The following GOLGA7 variants were observed in gnomAD, a reference collection of about 807,000 sequenced individuals.
The protein encoded by GOLGA7 is golgin subfamily A member 7.
Under a neutral mutation model 21.1 loss-of-function variants are expected in GOLGA7, and 10 were observed. That is an observed-to-expected ratio of 0.47 (90% confidence interval 0.29 to 0.80). The LOEUF is 0.80. Ranked by LOEUF, GOLGA7 falls within the 30% of genes least tolerant of loss-of-function variation. GOLGA7 has a pLI of 0.08. For synonymous variants in GOLGA7, 64 were observed against 62.6 expected (o/e 1.02, Z -0.10); for missense variants, 114 against 166.8 (o/e 0.68, Z 1.74).
At chr8:41,491,672 CT>C (rs1167971890) in intron 1 of GOLGA7, among the ~76,000 whole-genome samples, 4 of 43,712 alleles carry the variant, frequency 9.2e-5, no homozygotes, top group Non-Finnish European at 2.5e-4. Context: ...CCTAGCAAAA[CT>C]TTAAAAAAAA....
At chr8:41,490,546 A>C, upstream of GOLGA7, 5 of 363,176 alleles carry the variant, frequency 1.4e-5, no homozygotes, top group Admixed American at 4.5e-5. Flanking sequence ...GGGGCGGGGA[A>C]GAGGCTTTTT....
At chr8:41,506,045 T>C in intron 3 of GOLGA7, 33 bp downstream of exon 3, 1 of 1,034,586 alleles carries the variant, frequency 9.7e-7, no homozygotes, top group Non-Finnish European at 1.5e-6. Context: ...AAAGTCTAAA[T>C]ATTTATAACA....
At chr8:41,502,446 A>C (rs572777137) in intron 2 of GOLGA7, 1 of 152,300 alleles carries the variant, frequency 6.6e-6, no homozygotes, top group African/African-American at 2.4e-5. Flanking sequence ...ACAATCATGC[A>C]TTTTTCCCTA....
At position 41,498,122 on chromosome 8, in the gene GOLGA7, G is replaced by A. The variant is rs552679053; in HGVS notation, c.264+461G>A. Among the ~76,000 whole-genome samples, 3 of 152,144 alleles carry A rather than the reference G, an allele frequency of 2.0e-5. No homozygotes were observed. In the South Asian group the frequency reaches 6.2e-4, roughly 32 times the overall value. ...CCCCTGTCTTTTCAGTACCATCTTT[G>A]GGCATGAGGGATGAAGAAGAGGGAA... On this transcript the variant is annotated intron_variant, in intron 2 of 4. Transcript: ENST00000357743.
Position 41,490,648 on chromosome 8 carries a change from G to A in GOLGA7, c.-207G>A. The stretch of plus-strand genomic sequence containing the variant: ...TGTTTCCCGGGCCGAACCGGGTTGT[G>A]GGGGGCGCGGGGCCTGGGCCAGGCG... On this transcript the variant is annotated 5_prime_UTR_variant, in exon 1 of 5. Transcript: ENST00000357743. 3 of 544,202 alleles carry A rather than the reference G, an allele frequency of 5.5e-6. No individual in the cohort carries two copies. The highest frequency in any genetic ancestry group is 3.2e-5 in the East Asian group (1 of 31,000). The allele number at this position is 544,202 out of a possible 1,614,324, so 33.7% of individuals were successfully genotyped here. A position where few individuals can be genotyped will look rare whatever the true frequency, so the allele number is the denominator to read the frequency against.
intron 2 of GOLGA7, 41 bp downstream of exon 2, chr8:41,497,702 T>G: frequency 1.8e-6 from 2 of 1,121,808 alleles, no homozygotes; most frequent in Middle Eastern, 4.0e-4. Flanking sequence ...CTTAAAATCA[T>G]GAAGAAGGCA....
At chr8:41,500,640 C>T (rs1352329909) in intron 2 of GOLGA7, among the ~76,000 whole-genome samples, 5 of 152,232 alleles carry the variant, frequency 3.3e-5, no homozygotes, top group African/African-American at 4.8e-5. Flanking sequence ...GTGTTGTCCA[C>T]GCTGGTCTCG....
Position 41,505,901 on chromosome 8 carries a change from T to C in GOLGA7, c.265-10T>C, listed in dbSNP as rs1296147986. The stretch of plus-strand genomic sequence containing the variant: ...AGTTTGTAAGAAGCTGTGGTGTTTC[T>C]TTCTGTCAGGTTCTGAAGAAAGTCT... On this transcript the variant is annotated splice_polypyrimidine_tract_variant and intron_variant, in intron 2 of 4. Coordinates refer to ENST00000357743, the MANE Select transcript of GOLGA7 (RefSeq NM_001002296.2). 5 of 1,441,040 alleles carry C rather than the reference T, an allele frequency of 3.5e-6. No homozygotes were observed. The highest frequency in any genetic ancestry group is 2.3e-5 in the East Asian group (1 of 43,604). The allele number at this position is 1,441,040 out of a possible 1,614,324, so 89.3% of individuals were successfully genotyped here. A position where few individuals can be genotyped will look rare whatever the true frequency, so the allele number is the denominator to read the frequency against.
intron 1 of GOLGA7, among the ~76,000 whole-genome samples, chr8:41,493,402 A>G (rs1228531928): frequency 6.6e-6 from 1 of 152,218 alleles, no homozygotes; most frequent in Non-Finnish European, 1.5e-5. Flanking sequence ...GCATTTTTTA[A>G]AAATACACAC....
At position 41,510,925 on chromosome 8, in the gene GOLGA7, CT is replaced by C. The variant is rs1272916614; in HGVS notation, c.*1358del. The C allele has an allele frequency of 6.1e-6, 1 of 163,244 alleles. No individual in the cohort carries two copies. The highest frequency in any genetic ancestry group is 6.3e-5 in the Admixed American group (1 of 15,778). The allele number at this position is 163,244 out of a possible 1,614,324, so 10.1% of individuals were successfully genotyped here. A position where few individuals can be genotyped will look rare whatever the true frequency, so the allele number is the denominator to read the frequency against. ...GTAATAGTGTGTCTGCATTTTCAAC[CT>C]GTTGCAATAACTTTGCTGAAATATT... On this transcript the variant is annotated 3_prime_UTR_variant, in exon 5 of 5. Coordinates refer to ENST00000357743, the MANE Select transcript of GOLGA7 (RefSeq NM_001002296.2).
chr8:41,490,613 G>A lies in GOLGA7; in HGVS notation c.-242G>A, dbSNP rs1255705423. 1 of 513,618 alleles carries A rather than the reference G, an allele frequency of 1.9e-6. No individual in the cohort carries two copies. The highest frequency in any genetic ancestry group is 3.4e-6 in the Non-Finnish European group (1 of 290,154). 31.8% of individuals were successfully genotyped at this position (513,618 alleles called of 1,614,324 possible). Reference sequence around the variant, plus strand: ...GCGACAGCAGCTGGAGGGCAGAGGAGGCGGGTTTGTGTTTCCCGGGCCGAA... The same window carrying A: ...GCGACAGCAGCTGGAGGGCAGAGGAAGCGGGTTTGTGTTTCCCGGGCCGAA... On this transcript the variant is annotated 5_prime_UTR_variant, in exon 1 of 5. Transcript: ENST00000357743.
Position 41,498,819 on chromosome 8 carries a change from T to A in GOLGA7, c.264+1158T>A, listed in dbSNP as rs113824881. Among the ~76,000 whole-genome samples, 5 of 152,356 alleles carry A rather than the reference T, an allele frequency of 3.3e-5. 1 individual carries two copies. The highest frequency in any genetic ancestry group is 9.6e-5 in the African/African-American group (4 of 41,592). ...TGCCTAACACCATGCTTTGGGTATA[T>A]CAGGCACTCATTGAATGTATGTTAA... On this transcript the variant is annotated intron_variant, in intron 2 of 4. Coordinates refer to ENST00000357743, the MANE Select transcript of GOLGA7 (RefSeq NM_001002296.2).
intron 2 of GOLGA7, among the ~76,000 whole-genome samples, chr8:41,504,809 G>A (rs565294035): frequency 2.0e-5 from 3 of 152,234 alleles, no homozygotes; most frequent in South Asian, 2.1e-4. Flanking sequence ...TTATACCAAA[G>A]CATCTAAATT....
chr8:41,507,030 T>C, intron 3 of GOLGA7, 29 bp from the exon 4 acceptor site: 1 of 1,064,896 alleles, frequency 9.4e-7, no homozygotes, highest in South Asian at 1.2e-5. Context: ...TGTCCTGTAG[T>C]GTGTTTTCTT....
At position 41,490,848 on chromosome 8, in the gene GOLGA7, C is replaced by G. The variant is rs748285531; in HGVS notation, c.-7C>G. ...GACCCCGCAGCGCGGGGTGTCCTGT[C>G]CTCGCCATGAGGCCGCAGCAGGCGC... On this transcript the variant is annotated 5_prime_UTR_variant, in exon 1 of 5. Coordinates refer to ENST00000357743, the MANE Select transcript of GOLGA7 (RefSeq NM_001002296.2). 7 of 1,557,164 alleles carry G rather than the reference C, an allele frequency of 4.5e-6. No individual in the cohort carries two copies. In the South Asian group the frequency reaches 6.9e-5, roughly 15 times the overall value.
Position 41,506,006 on chromosome 8 carries a change from G to T in GOLGA7, c.360G>T (p.Leu120=). 6.7e-7 allele frequency: 1 copy of T among 1,497,866 alleles called. No individual in the cohort carries two copies. The highest frequency in any genetic ancestry group is 9.2e-7 in the Non-Finnish European group (1 of 1,081,678). 92.8% of individuals were successfully genotyped at this position (1,497,866 alleles called of 1,614,324 possible). ...TGACAGACCCTATTGAGCGAGGACTGCGAGTTGTATCTTTTTAGTTCGGAT... is the reference window on the plus strand; with the variant it reads ...TGACAGACCCTATTGAGCGAGGACTTCGAGTTGTATCTTTTTAGTTCGGAT... The part of the protein sequence containing the change: ...LLLTDPIERG[L]RVIEITIYED... Residue 120 remains leucine, a synonymous_variant, in exon 3 of 5, where the codon CTG becomes CTT. Transcript: ENST00000357743.
At chr8:41,507,191 G>A (rs1806307086) in intron 4 of GOLGA7, 70 bp downstream of exon 4, 10 of 753,162 alleles carry the variant, frequency 1.3e-5, no homozygotes, top group Middle Eastern at 4.6e-4. Context: ...ATTCTTCCCC[G>A]CATGGTAAAT....
intron 1 of GOLGA7, among the ~76,000 whole-genome samples, chr8:41,496,444 T>G (rs1437105812): frequency 2.0e-5 from 3 of 152,126 alleles, no homozygotes; most frequent in Non-Finnish European, 4.4e-5. Context: ...ATGCTCAACC[T>G]GTGGTAGTAT....
intron 1 of GOLGA7, among the ~76,000 whole-genome samples, chr8:41,496,668 T>G (rs1050931343): frequency 4.6e-5 from 7 of 151,872 alleles, no homozygotes; most frequent in African/African-American, 1.7e-4. Context: ...TTTTTTTTTT[T>G]GCCTAGTAAA....
Sources: allele counts gnomAD v4.1 joint callset (sites outside exome capture counted in the v4.1 genomes callset), GRCh38; gene constraint gnomAD v4.1.1; transcripts MANE v1.5; gene names NCBI Gene and HGNC (gene_info 2026-07-23, HGNC 2026-07-21).